Variants in HMGB1 observed in about 807,000 individuals in gnomAD.
HMGB1 encodes the protein high mobility group box 1.
For missense variants in HMGB1, 79 were observed against 253.5 expected, an observed-to-expected ratio of 0.31 and a Z score of 4.67; for synonymous variants, 81 against 84.0, an observed-to-expected ratio of 0.96 and a Z score of 0.19.
At chr13:30,584,950 C>G (rs1448235230) in intron 1 of HMGB1, among the ~76,000 whole-genome samples, 1 of 152,078 alleles carries the variant, frequency 6.6e-6, no homozygotes, top group Non-Finnish European at 1.5e-5. Context: ...GAATTCGAGA[C>G]CAGCCTGGCC....
chr13:30,557,714 A>C (rs1426720157), intron 1 of HMGB1, among the ~76,000 whole-genome samples: 1 of 152,190 alleles, frequency 6.6e-6, no homozygotes, highest in African/African-American at 2.4e-5. Context: ...AACCATCACA[A>C]AGCTAATTGT....
At chr13:30,508,113 T>C (rs1477712548) in intron 1 of HMGB1, among the ~76,000 whole-genome samples, 1 of 152,206 alleles carries the variant, frequency 6.6e-6, no homozygotes, top group East Asian at 1.9e-4. Flanking sequence ...AGTATAAATA[T>C]GTTCCTTATT....
chr13:30,530,825 T>C lies in HMGB1; in HGVS notation c.-14-67131A>G, dbSNP rs150038071. ...ACTTTGGGAGGTGGAGGCAGGCAGATTGCTTGAGCCCAGGAGTTCAAGACC... is the reference window on the plus strand; with the variant it reads ...ACTTTGGGAGGTGGAGGCAGGCAGACTGCTTGAGCCCAGGAGTTCAAGACC... On this transcript the variant is annotated intron_variant, in intron 1 of 4. Coordinates refer to the HMGB1 transcript ENST00000405805. 4.8e-3 allele frequency among the ~76,000 whole-genome samples: 735 copies of C among 152,226 alleles called. 4 individuals are homozygous for C. The highest frequency in any genetic ancestry group is 0.016 in the African/African-American group (673 of 41,530).
intron 1 of HMGB1, chr13:30,465,075 CG>C: frequency 1.2e-6 from 1 of 866,114 alleles, no homozygotes. Context: ...AAAGTTGCCT[CG>C]GAACTGCTGC....
At chr13:30,538,828 T>C (rs1255740018) in intron 1 of HMGB1, among the ~76,000 whole-genome samples, 2 of 145,760 alleles carry the variant, frequency 1.4e-5, no homozygotes, top group South Asian at 2.2e-4. Context: ...TTTCTTTCTT[T>C]TTTCTTTTTT....
chr13:30,504,189 G>A (rs1455137782), intron 1 of HMGB1, among the ~76,000 whole-genome samples: 3 of 152,276 alleles, frequency 2.0e-5, no homozygotes, highest in Admixed American at 6.5e-5. Context: ...TGGGCCTGGA[G>A]GGAAGGACAG....
chr13:30,558,927 C>G (rs1354245551), intron 1 of HMGB1, among the ~76,000 whole-genome samples: 3 of 152,132 alleles, frequency 2.0e-5, no homozygotes, highest in Non-Finnish European at 4.4e-5. Flanking sequence ...ACCACCAATG[C>G]AGATGGATTA....
intron 1 of HMGB1, among the ~76,000 whole-genome samples, chr13:30,609,158 G>A (rs1411377203): frequency 6.6e-6 from 1 of 152,204 alleles, no homozygotes; most frequent in Non-Finnish European, 1.5e-5. Context: ...AGCTACTCAG[G>A]ACGCTGAGGC....
chr13:30,498,980 T>G (rs12583377), intron 1 of HMGB1, among the ~76,000 whole-genome samples: 51,595 of 145,720 alleles, frequency 0.35, 10,210 homozygotes, highest in Middle Eastern at 0.51. Flanking sequence ...TGAGAAGGAG[T>G]CTTGCTCTGT....
At chr13:30,557,981 T>G (rs1244981471) in intron 1 of HMGB1, among the ~76,000 whole-genome samples, 1 of 152,220 alleles carries the variant, frequency 6.6e-6, no homozygotes, top group Non-Finnish European at 1.5e-5. Context: ...TTTTTTCACA[T>G]GTCTGGCATC....
rs145135590 is a variant in HMGB1 at position 30,561,572 on chromosome 13, T to C, written c.-15+55099A>G. Among the ~76,000 whole-genome samples, 789 of 151,850 alleles carry C rather than the reference T, an allele frequency of 5.2e-3. 7 individuals carry two copies. The highest frequency in any genetic ancestry group is 0.018 in the African/African-American group (756 of 41,358). On this transcript the variant is annotated intron_variant, in intron 1 of 4. Coordinates refer to the HMGB1 transcript ENST00000405805. Reference sequence around the variant, plus strand: ...ACCCTGTTGCGAGAAAAAAAGTCAGTGAAGTAGTAGGAACGATGACAGATG... The same window carrying C: ...ACCCTGTTGCGAGAAAAAAAGTCAGCGAAGTAGTAGGAACGATGACAGATG...
intron 1 of HMGB1, among the ~76,000 whole-genome samples, chr13:30,607,471 C>A (rs926886036): frequency 6.6e-6 from 1 of 152,212 alleles, no homozygotes; most frequent in Admixed American, 6.5e-5. Flanking sequence ...ATGTGCCTTG[C>A]TTCCCCTTTG....
At chr13:30,574,914 C>T (rs983129803) in intron 1 of HMGB1, among the ~76,000 whole-genome samples, 1 of 152,152 alleles carries the variant, frequency 6.6e-6, no homozygotes, top group Non-Finnish European at 1.5e-5. Context: ...ATTTTCCATA[C>T]AATGTACTCT....
At chr13:30,462,438 T>C (rs1026867229) in intron 4 of HMGB1, 100 bp downstream of exon 4, 2 of 905,812 alleles carry the variant, frequency 2.2e-6, no homozygotes, top group East Asian at 2.4e-5. Context: ...CCATACTTAA[T>C]GTAGCTGTTA....
At chr13:30,561,019 C>A (rs1201599206) in intron 1 of HMGB1, among the ~76,000 whole-genome samples, 3 of 151,550 alleles carry the variant, frequency 2.0e-5, no homozygotes, top group African/African-American at 7.3e-5. Flanking sequence ...ATGAGGATAG[C>A]TGGAGCTAGT....
chr13:30,593,324 C>T (rs1871451749), intron 1 of HMGB1, among the ~76,000 whole-genome samples: 1 of 152,106 alleles, frequency 6.6e-6, no homozygotes, highest in South Asian at 2.1e-4. Flanking sequence ...TTATGCCCTT[C>T]TTTGTATTCC....
intron 1 of HMGB1, among the ~76,000 whole-genome samples, chr13:30,593,666 G>A (rs1323898): frequency 0.54 from 81,551 of 152,080 alleles, 24,510 homozygotes; most frequent in African/African-American, 0.81. Context: ...AGTTTCTGTG[G>A]CCTAAATTTT....
intron 1 of HMGB1, among the ~76,000 whole-genome samples, chr13:30,557,766 T>A (rs569044675): frequency 6.6e-6 from 1 of 152,346 alleles, no homozygotes; most frequent in East Asian, 1.9e-4. Flanking sequence ...CTCTTTTTAG[T>A]CTTTGACTGA....
chr13:30,608,683 A>C (rs1231631356), intron 1 of HMGB1, among the ~76,000 whole-genome samples: 1 of 152,198 alleles, frequency 6.6e-6, no homozygotes, highest in Non-Finnish European at 1.5e-5. Context: ...TAGTGGGACA[A>C]GCTCTATTCT....
Sources: gnomAD v4.1 joint callset for allele counts (sites outside exome capture counted in the v4.1 genomes callset) on GRCh38, gnomAD v4.1.1 for gene constraint, MANE v1.5 for transcripts, NCBI Gene and HGNC (gene_info 2026-07-23, HGNC 2026-07-21) for gene names.